The following MYLK variants were observed in gnomAD, a reference collection of about 807,000 sequenced individuals.
MYLK encodes the protein myosin light chain kinase, smooth muscle.
In MYLK, 106 loss-of-function variants were observed where a neutral mutation model predicts 203.4. The observed-to-expected ratio is 0.52, with a 90% CI of 0.45 to 0.61. The LOEUF (loss-of-function observed/expected upper bound fraction) is 0.61, where lower values mean the gene tolerates loss of function less well. Ranked by LOEUF, MYLK falls within the 20% of genes least tolerant of loss-of-function variation. The pLI is 0.00. For synonymous variants in MYLK, 867 were observed against 959.5 expected, an observed-to-expected ratio of 0.90 and a Z score of 1.78; for missense variants, 2,072 against 2,442.3, an observed-to-expected ratio of 0.85 and a Z score of 3.20.
chr3:123,874,718 A>T (rs2033036173), intron 2 of MYLK, among the ~76,000 whole-genome samples: 1 of 152,202 alleles, frequency 6.6e-6, no homozygotes, highest in South Asian at 2.1e-4. Flanking sequence ...GGCAGCGAGA[A>T]AATATTTGCC....
At chr3:123,864,898 T>C (rs1226628959) in intron 2 of MYLK, among the ~76,000 whole-genome samples, 1 of 152,184 alleles carries the variant, frequency 6.6e-6, no homozygotes, top group African/African-American at 2.4e-5. Context: ...ATATATGTGA[T>C]TGTTGCATCA....
chr3:123,829,902 C>A (rs779215005), intron 3 of MYLK, among the ~76,000 whole-genome samples: 5 of 152,148 alleles, frequency 3.3e-5, no homozygotes, highest in Non-Finnish European at 7.3e-5. Context: ...GCTCACATGG[C>A]CCCAATGATG....
chr3:123,700,007 C>T lies in MYLK; in HGVS notation c.3448+13G>A, dbSNP rs1576619400. On this transcript the variant is annotated intron_variant, in intron 18 of 33. Transcript: ENST00000360304. The stretch of plus-strand genomic sequence containing the variant: ...CAGAGGCCCCTTCTTCCCCAACCCC[C>T]ATGCTCATTTACCTTCCTGGGAGAG... 6.2e-7 allele frequency: 1 copy of T among 1,614,160 alleles called. No homozygotes were observed. Among genetic ancestry groups the T allele is most frequent in the African/African-American group, 1.3e-5 (1 of 75,038 alleles).
At chr3:123,615,289 C>G (rs546330021) in intron 33 of MYLK, among the ~76,000 whole-genome samples, 41 of 152,112 alleles carry the variant, frequency 2.7e-4, no homozygotes, top group Non-Finnish European at 5.1e-4. Flanking sequence ...AATTCCAACT[C>G]TACACCTAGA....
intron 13 of MYLK, among the ~76,000 whole-genome samples, chr3:123,713,016 A>C (rs1396954842): frequency 6.6e-6 from 1 of 152,218 alleles, no homozygotes; most frequent in Non-Finnish European, 1.5e-5. Flanking sequence ...TATTAGGAAT[A>C]CAAATGCGTT....
At chr3:123,828,324 C>T (rs1489086203) in intron 3 of MYLK, among the ~76,000 whole-genome samples, 1 of 152,014 alleles carries the variant, frequency 6.6e-6, no homozygotes, top group Non-Finnish European at 1.5e-5. Flanking sequence ...AATTGATTTT[C>T]AGCAAAGGTA....
At chr3:123,825,404 T>C (rs981289139) in intron 3 of MYLK, among the ~76,000 whole-genome samples, 18 of 152,134 alleles carry the variant, frequency 1.2e-4, no homozygotes, top group Non-Finnish European at 2.5e-4. Context: ...AGAGACTTCT[T>C]GTTGCAAGGA....
intron 2 of MYLK, among the ~76,000 whole-genome samples, chr3:123,853,095 G>C (rs1399645434): frequency 1.3e-5 from 2 of 151,810 alleles, no homozygotes; most frequent in African/African-American, 4.8e-5. Context: ...CCTGACAGAA[G>C]CCTAATCCCA....
intron 31 of MYLK, chr3:123,620,662 C>T: frequency 1.8e-6 from 2 of 1,107,254 alleles, no homozygotes; most frequent in Non-Finnish European, 2.2e-6. Context: ...TATAAAGCAA[C>T]TGCAGGCTGA....
intron 4 of MYLK, among the ~76,000 whole-genome samples, chr3:123,780,363 G>A (rs2064248624): frequency 6.6e-6 from 1 of 152,156 alleles, no homozygotes; most frequent in Non-Finnish European, 1.5e-5. Context: ...GAACCCAGGG[G>A]GCAGAGGTTG....
chr3:123,732,811 G>A, intron 11 of MYLK, 85 bp downstream of exon 11: 1 of 1,329,344 alleles, frequency 7.5e-7, no homozygotes, highest in Non-Finnish European at 1.1e-6. Flanking sequence ...GGGGCTATAG[G>A]AGATGAACCA....
chr3:123,867,161 A>G (rs1470395121), intron 2 of MYLK, among the ~76,000 whole-genome samples: 1 of 152,082 alleles, frequency 6.6e-6, no homozygotes, highest in Non-Finnish European at 1.5e-5. Context: ...CACCAGTGAC[A>G]CTACCACTGT....
chr3:123,652,017 C>T (rs780537259), intron 24 of MYLK, among the ~76,000 whole-genome samples: 11 of 152,304 alleles, frequency 7.2e-5, no homozygotes, highest in African/African-American at 2.6e-4. Flanking sequence ...GAGGCTGAGG[C>T]GGGAGGAATG....
Position 123,657,328 on chromosome 3 carries a change from A to G in MYLK, c.4086T>C (p.Ala1362=), listed in dbSNP as rs139093988. The G allele has an allele frequency of 5.0e-6, 8 of 1,614,038 alleles. No individual in the cohort carries two copies. In the African/African-American group the frequency reaches 8.0e-5, roughly 16 times the overall value. Residue 1362 remains alanine (A), a synonymous_variant, in exon 24 of 34, where the codon GCT becomes GCC. Coordinates refer to ENST00000360304, the MANE Select transcript of MYLK (RefSeq NM_053025.4). ...WYGSSYDGGS[A]VQSYSIEIWD... ...AGATCTCGATGCTGTAGGACTGTAC[A>G]GCACTGCCCCCATCATATGAGGAGC...
intron 20 of MYLK, among the ~76,000 whole-genome samples, chr3:123,671,740 T>C (rs2059919335): frequency 6.6e-6 from 1 of 151,786 alleles, no homozygotes; most frequent in Non-Finnish European, 1.5e-5. Flanking sequence ...GATGACAAGG[T>C]GGAAGGCAAT....
chr3:123,739,619 G>A (rs1163126868), intron 6 of MYLK, among the ~76,000 whole-genome samples: 1 of 152,230 alleles, frequency 6.6e-6, no homozygotes, highest in Non-Finnish European at 1.5e-5. Context: ...ACTGTGATTT[G>A]AGGCTTGTCT....
At chr3:123,618,795 G>T (rs1461437448) in intron 32 of MYLK, 25 bp from the exon 33 acceptor site, 10 of 1,613,716 alleles carry the variant, frequency 6.2e-6, no homozygotes, top group Non-Finnish European at 8.5e-6. Context: ...AGAAGACCAG[G>T]TCATTTCTTC....
chr3:123,810,271 G>C (rs151033830), intron 3 of MYLK, among the ~76,000 whole-genome samples: 3 of 152,134 alleles, frequency 2.0e-5, no homozygotes, highest in Admixed American at 2.0e-4. Context: ...CGTGTTTCCC[G>C]TGGTTCCCAT....
At chr3:123,627,290 C>T (rs2058194871) in intron 30 of MYLK, among the ~76,000 whole-genome samples, 1 of 152,210 alleles carries the variant, frequency 6.6e-6, no homozygotes, top group Admixed American at 6.5e-5. Context: ...TCATTCTGCT[C>T]CTCTCATGAG....
Sources: gnomAD v4.1 joint callset for allele counts (sites outside exome capture counted in the v4.1 genomes callset) on GRCh38, gnomAD v4.1.1 for gene constraint, MANE v1.5 for transcripts, NCBI Gene and HGNC (gene_info 2026-07-23, HGNC 2026-07-21) for gene names.